Variants in PIK3CG observed in about 807,000 individuals in gnomAD.
PIK3CG encodes the protein phosphatidylinositol 4,5-bisphosphate 3-kinase catalytic subunit gamma isoform.
PIK3CG carries 55 observed loss-of-function variants against 102.3 expected under a neutral mutation model. The observed-to-expected ratio is 0.54, with a 90% CI of 0.43 to 0.67. The LOEUF (loss-of-function observed/expected upper bound fraction) is 0.67, where lower values mean the gene tolerates loss of function less well. Among genes scored for constraint, PIK3CG ranks in the 30% least tolerant of loss-of-function variants. The pLI, the probability that PIK3CG is intolerant of heterozygous loss-of-function variation, is 0.00. For missense variants in PIK3CG, 1,258 were observed against 1,391.8 expected (o/e 0.90, Z 1.53); for synonymous variants, 552 against 540.0 (o/e 1.02, Z -0.31).
In PIK3CG at chr7:106,869,062, A is replaced by T. The variant is rs2116456791; in HGVS notation, c.1501A>T (p.Lys501Ter). The change falls in exon 2 of 11, where the codon AAA becomes TAA. Residue 501 changes from lysine to a stop codon, truncating the protein, a stop_gained. Transcript: ENST00000496166. LOFTEE classifies it high-confidence loss of function. This position sits in a 1 kb window ranked among gnomAD's most constrained non-coding sequence, Gnocchi z 5.3. ...AGACCAAGGAAGCTTCAATGCTGAC[A>T]AACTCACGTCTGCAACTAACCCAGA... ...GEDQGSFNAD[K>*]LTSATNPDKE... The T allele has an allele frequency of 6.2e-7, 1 of 1,614,212 alleles. No individual in the cohort carries two copies. Among genetic ancestry groups the T allele is most frequent in the East Asian group, 2.2e-5 (1 of 44,880 alleles).
chr7:106,868,487 C>A lies in PIK3CG; in HGVS notation c.926C>A (p.Thr309Lys), dbSNP rs373864078. The part of the protein sequence containing the change: ...NGEEIHVVLD[T>K]PPDPALDEVR... ...GAAGAGATTCACGTGGTACTGGACA[C>A]GCCTCCAGACCCGGCCCTAGACGAG... Residue 309 changes from threonine to lysine, a missense_variant, in exon 2 of 11, where the codon ACG becomes AAG. Thr to Lys is a moderately conservative substitution (Grantham distance 78). This residue lies in a region of PIK3CG where 832 missense variants were observed against 787.5 expected (regional missense o/e 1.06). Coordinates refer to ENST00000496166, the MANE Select transcript of PIK3CG (RefSeq NM_001282426.2). This position sits in a 1 kb window ranked among gnomAD's most constrained non-coding sequence, Gnocchi z 6.2. The A allele has an allele frequency of 1.2e-6, 2 of 1,614,046 alleles. No homozygotes were observed. Among genetic ancestry groups the A allele is most frequent in the Non-Finnish European group, 1.7e-6 (2 of 1,180,042 alleles).
Position 106,868,667 on chromosome 7 carries a change from A to G in PIK3CG, c.1106A>G (p.Asp369Gly), listed in dbSNP as rs774943298. The change falls in exon 2 of 11, where the codon GAT becomes GGT. Residue 369 changes from aspartate (D) to glycine (G), a missense_variant. By Grantham distance (94) the Asp-to-Gly change is moderately conservative (BLOSUM62 -1). Transcript: ENST00000496166. This position sits in a 1 kb window ranked among gnomAD's most constrained non-coding sequence, Gnocchi z 6.2. ...TTCAGGGTCAAGATCAGAGGCATTG[A>G]TATCCCCGTCCTGCCTCGGAACACC... is the stretch of plus-strand genomic sequence containing the variant. ...RKFRVKIRGI[D>G]IPVLPRNTDL... 3.1e-6 allele frequency: 5 copies of G among 1,614,190 alleles called. No individual in the cohort carries two copies. In the Admixed American group the frequency reaches 8.3e-5, roughly 27 times the overall value.
At position 106,874,747 on chromosome 7, in the gene PIK3CG, C is replaced by T. The variant is rs2116498955; in HGVS notation, c.2335C>T (p.Leu779Phe). The T allele has an allele frequency of 6.2e-7, 1 of 1,614,090 alleles. No individual in the cohort carries two copies. Among genetic ancestry groups the T allele is most frequent in the Non-Finnish European group, 8.5e-7 (1 of 1,179,950 alleles). ...GCTTGAAAACCTGCAGAATTCTCAA[C>T]TCCCCGAAAGCTTTAGAGTTCCATA... is the stretch of plus-strand genomic sequence containing the variant. Reference protein sequence around the residue: ...QKLENLQNSQLPESFRVPYDP... With the variant: ...QKLENLQNSQFPESFRVPYDP... Residue 779 changes from leucine to phenylalanine, a missense_variant, in exon 5 of 11, where the codon CTC (leucine) becomes TTC (phenylalanine). Coordinates refer to ENST00000496166, the MANE Select transcript of PIK3CG (RefSeq NM_001282426.2). This position sits in a 1 kb window ranked among gnomAD's most constrained non-coding sequence, Gnocchi z 4.3.
chr7:106,907,674 T>G lies in PIK3CG; in HGVS notation c.*2287T>G, dbSNP rs753687309. 6.6e-6 allele frequency among the ~76,000 whole-genome samples: 1 copy of G among 150,816 alleles called. No individual in the cohort carries two copies. Among genetic ancestry groups the G allele is most frequent in the Non-Finnish European group, 1.5e-5 (1 of 67,764 alleles). On this transcript the variant is annotated 3_prime_UTR_variant, in exon 11 of 11. Transcript: ENST00000496166. ...CATTTATATTTAGCTTATTGGCACA[T>G]GTGCATACATATTTCCTCTTCAAAT...
chr7:106,878,179 T>C (rs1790819481), intron 5 of PIK3CG, among the ~76,000 whole-genome samples: 1 of 152,246 alleles, frequency 6.6e-6, no homozygotes, highest in South Asian at 2.1e-4. Context: ...TGACTGGTTT[T>C]TTTCTTGCAG....
At position 106,872,723 on chromosome 7, in the gene PIK3CG, T is replaced by A. The variant is rs745475345; in HGVS notation, c.2072T>A (p.Ile691Asn). 6.2e-7 allele frequency: 1 copy of A among 1,613,572 alleles called. No individual in the cohort carries two copies. Among genetic ancestry groups the A allele is most frequent in the Admixed American group, 1.7e-5 (1 of 60,026 alleles). ...TGTACCTGCCCTCAGAACAAAAGAA[T>A]TGGTCACTTTTTGTTTTGGTTCTTG... is the stretch of plus-strand genomic sequence containing the variant. Reference protein sequence around the residue: ...LLKRGLRNKRIGHFLFWFLRS... With the variant: ...LLKRGLRNKRNGHFLFWFLRS... Residue 691 changes from isoleucine to asparagine, a missense_variant, in exon 4 of 11, where the codon ATT (isoleucine) becomes AAT (asparagine). By Grantham distance (149) the Ile-to-Asn change is moderately radical. Transcript: ENST00000496166. This position sits in a 1 kb window ranked among gnomAD's most constrained non-coding sequence, Gnocchi z 5.3.
At chr7:106,870,911 G>C (rs993569244) in intron 2 of PIK3CG, among the ~76,000 whole-genome samples, 2 of 152,094 alleles carry the variant, frequency 1.3e-5, no homozygotes, top group Non-Finnish European at 2.9e-5. Flanking sequence ...AATAATTAAA[G>C]AATCTTCAGT....
At chr7:106,876,998 G>A (rs1790769624) in intron 5 of PIK3CG, among the ~76,000 whole-genome samples, 1 of 151,944 alleles carries the variant, frequency 6.6e-6, no homozygotes, top group African/African-American at 2.4e-5. Flanking sequence ...AGGAGTATGA[G>A]ACCAGACTGG....
intron 10 of PIK3CG, among the ~76,000 whole-genome samples, chr7:106,886,872 G>T (rs1262595594): frequency 6.6e-6 from 1 of 152,062 alleles, no homozygotes; most frequent in South Asian, 2.1e-4. Context: ...TCCTACATGA[G>T]TCTGTCCATC....
intron 9 of PIK3CG, 139 bp from the exon 10 acceptor site, chr7:106,885,996 G>A (rs1362519240): frequency 4.0e-6 from 3 of 753,528 alleles, no homozygotes; most frequent in South Asian, 2.2e-5. Context: ...CTGCTAAGAC[G>A]AAAAATATCA....
At position 106,897,004 on chromosome 7, in the gene PIK3CG, C is replaced by CT. The variant is rs1247766972; in HGVS notation, c.3031-8099dup. Among the ~76,000 whole-genome samples the CT allele has an allele frequency of 3.9e-5, 6 of 152,100 alleles. No individual in the cohort carries two copies. The highest frequency in any genetic ancestry group is 7.4e-5 in the Non-Finnish European group (5 of 68,008). ...ATATTTTGTCCTATAAATTTATATT[C>CT]TTTTTTCTATATAAATATTTTGTGT... On this transcript the variant is annotated intron_variant, in intron 10 of 10. Transcript: ENST00000496166. This position sits in a 1 kb window ranked among gnomAD's most constrained non-coding sequence, Gnocchi z 4.6.
rs956438308 is a variant in PIK3CG at position 106,890,518 on chromosome 7, A to G, written c.3030+4226A>G. Among the ~76,000 whole-genome samples the G allele has an allele frequency of 6.6e-6, 1 of 152,182 alleles. No individual in the cohort carries two copies. The highest frequency in any genetic ancestry group is 1.5e-5 in the Non-Finnish European group (1 of 68,036). On this transcript the variant is annotated intron_variant, in intron 10 of 10. Transcript: ENST00000496166. This position sits in a 1 kb window ranked among gnomAD's most constrained non-coding sequence, Gnocchi z 4.2. The stretch of plus-strand genomic sequence containing the variant: ...TTTTTTAAAATTTTAAAACTAGTAA[A>G]TGTTGTTTATTAAAATCAAGAGCCA...
intron 4 of PIK3CG, among the ~76,000 whole-genome samples, chr7:106,873,770 C>T (rs867027555): frequency 1.1e-4 from 16 of 151,878 alleles, no homozygotes; most frequent in Non-Finnish European, 1.5e-5. Context: ...ACACACACCA[C>T]CTTCTCTCTC....
Position 106,886,216 on chromosome 7 carries a change from T to C in PIK3CG, c.2954T>C (p.Phe985Ser). The change falls in exon 10 of 11, where the codon TTT becomes TCT. Residue 985 changes from phenylalanine to serine, a missense_variant. Transcript: ENST00000496166. ...FLGINKERVP[F>S]VLTPDFLFVM... Reference sequence around the variant, plus strand: ...GGCATTAATAAAGAGAGAGTGCCATTTGTGCTAACCCCTGACTTCCTCTTT... The same window carrying C: ...GGCATTAATAAAGAGAGAGTGCCATCTGTGCTAACCCCTGACTTCCTCTTT... 6.2e-7 allele frequency: 1 copy of C among 1,614,160 alleles called. No individual in the cohort carries two copies. The highest frequency in any genetic ancestry group is 1.6e-4 in the Middle Eastern group (1 of 6,062).
Position 106,907,768 on chromosome 7 carries a change from A to T in PIK3CG, c.*2381A>T, listed in dbSNP as rs1417128763. Among the ~76,000 whole-genome samples the T allele has an allele frequency of 1.3e-5, 2 of 148,228 alleles. No homozygotes were observed. The highest frequency in any genetic ancestry group is 3.0e-5 in the Non-Finnish European group (2 of 67,304). ...ATATATATGCTAATATATATATAAC[A>T]TATATATGCTAATATATATATATCA... is the stretch of plus-strand genomic sequence containing the variant. On this transcript the variant is annotated 3_prime_UTR_variant, in exon 11 of 11. Transcript: ENST00000496166.
At position 106,869,612 on chromosome 7, in the gene PIK3CG, A is replaced by G; in HGVS notation, c.1995+56A>G. The stretch of plus-strand genomic sequence containing the variant: ...CTTCTCAAAAGGAATTGATTTGCAT[A>G]TGCACAGGCACTCCATTCAGTTGTC... On this transcript the variant is annotated intron_variant, in intron 2 of 10. Transcript: ENST00000496166. The surrounding 1 kb of genome is among the most constrained non-coding windows in gnomAD (Gnocchi z 5.3). The G allele has an allele frequency of 7.3e-7, 1 of 1,372,910 alleles. No individual in the cohort carries two copies. The highest frequency in any genetic ancestry group is 9.9e-7 in the Non-Finnish European group (1 of 1,007,948). The allele number at this position is 1,372,910 out of a possible 1,614,324, so 85.0% of individuals were successfully genotyped here. A position where few individuals can be genotyped will look rare whatever the true frequency, so the allele number is the denominator to read the frequency against.
rs932846593 is a variant in PIK3CG, at chr7:106,869,770, T to A, written c.1995+214T>A. Among the ~76,000 whole-genome samples the A allele has an allele frequency of 1.3e-5, 2 of 152,180 alleles. No individual in the cohort carries two copies. The highest frequency in any genetic ancestry group is 1.3e-4 in the Admixed American group (2 of 15,278). Reference sequence around the variant, plus strand: ...TTTGCTGACAAGGGTTTTGCAGACATTAGTACTTCACGTTTTTAGGAGAAT... The same window carrying A: ...TTTGCTGACAAGGGTTTTGCAGACAATAGTACTTCACGTTTTTAGGAGAAT... On this transcript the variant is annotated intron_variant, in intron 2 of 10. Transcript: ENST00000496166. This position sits in a 1 kb window ranked among gnomAD's most constrained non-coding sequence, Gnocchi z 5.3.
rs767132637 is a variant in PIK3CG, at chr7:106,867,617, G to A, written c.56G>A (p.Arg19Lys). 3.1e-6 allele frequency: 5 copies of A among 1,609,974 alleles called. No individual in the cohort carries two copies. The highest frequency in any genetic ancestry group is 4.2e-6 in the Non-Finnish European group (5 of 1,178,444). The change falls in exon 2 of 11, where the codon AGG (arginine) becomes AAG (lysine). Residue 19 changes from arginine (R) to lysine (K), a missense_variant. Transcript: ENST00000496166. This position sits in a 1 kb window ranked among gnomAD's most constrained non-coding sequence, Gnocchi z 5.1. ...PVVLREDNCRRRRRMKPRSAA... is the reference protein window; with the variant it reads ...PVVLREDNCRKRRRMKPRSAA... ...GTGCTGAGAGAGGACAACTGCCGAA[G>A]GCGCCGGAGGATGAAGCCGCGCAGT... is the stretch of plus-strand genomic sequence containing the variant.
At position 106,872,704 on chromosome 7, in the gene PIK3CG, T is replaced by G; in HGVS notation, c.2062-9T>G. The G allele has an allele frequency of 1.9e-6, 3 of 1,611,000 alleles. No individual in the cohort carries two copies. Among genetic ancestry groups the G allele is most frequent in the Non-Finnish European group, 2.5e-6 (3 of 1,177,082 alleles). On this transcript the variant is annotated splice_polypyrimidine_tract_variant and intron_variant, in intron 3 of 10. Transcript: ENST00000496166. The surrounding 1 kb of genome is among the most constrained non-coding windows in gnomAD (Gnocchi z 5.3). ...ATAATAATTTCAACTTTCTTGTACCTGCCCTCAGAACAAAAGAATTGGTCA... is the reference window on the plus strand; with the variant it reads ...ATAATAATTTCAACTTTCTTGTACCGGCCCTCAGAACAAAAGAATTGGTCA...
Sources: allele counts gnomAD v4.1 joint callset (sites outside exome capture counted in the v4.1 genomes callset), GRCh38; gene constraint gnomAD v4.1.1; regional missense constraint gnomAD v4.1.1; non-coding constraint Gnocchi (gnomAD v3.1); transcripts MANE v1.5; gene names NCBI Gene and HGNC (gene_info 2026-07-23, HGNC 2026-07-21).